Variants in LPIN1 observed in about 807,000 individuals in gnomAD.
The protein encoded by LPIN1 is lipin 1.
LPIN1 carries 71 observed loss-of-function variants against 107.5 expected under a neutral mutation model. That is an observed-to-expected ratio of 0.66 (90% CI 0.55 to 0.80). The LOEUF is 0.80. Among genes scored for constraint, LPIN1 ranks in the 30% least tolerant of loss-of-function variants. The pLI is 0.00. For synonymous variants in LPIN1, 445 were observed against 452.6 expected, an observed-to-expected ratio of 0.98 and a Z score of 0.21; for missense variants, 1,043 against 1,160.6, an observed-to-expected ratio of 0.90 and a Z score of 1.47.
At chr2:11,746,007 G>A (rs1666862005), upstream of LPIN1, 1 of 152,304 alleles carries the variant, frequency 6.6e-6, no homozygotes, top group Admixed American at 6.5e-5. Context: ...CCCGGCTGGA[G>A]AGGCGCAGGG....
Position 11,767,622 on chromosome 2 carries a change from G to A in LPIN1, c.193-141G>A, listed in dbSNP as rs1018003895. 39 of 704,418 alleles carry A rather than the reference G, an allele frequency of 5.5e-5. No individual in the cohort carries two copies. In the African/African-American group the frequency reaches 6.3e-4, roughly 11 times the overall value. The allele number at this position is 704,418 out of a possible 1,614,324, so 43.6% of individuals were successfully genotyped here. On this transcript the variant is annotated intron_variant, in intron 2 of 20. Transcript: ENST00000674199. ...AAGTGACAGTTCCCTTGGATGGGACGGCCTGACTGAGACTGGGAGTTGTGT... is the reference window on the plus strand; with the variant it reads ...AAGTGACAGTTCCCTTGGATGGGACAGCCTGACTGAGACTGGGAGTTGTGT...
chr2:11,820,625 GTAATTCTTA>G (rs1681347043), intron 20 of LPIN1, 111 bp downstream of exon 20: 1 of 728,458 alleles, frequency 1.4e-6, no homozygotes, highest in Admixed American at 2.3e-5. Context: ...ATGTTAATCT[GTAATTCTTA>G]TAATGAAAAA....
rs1671850306 is a variant in LPIN1 at position 11,771,599 on chromosome 2, C to T, written c.516C>T (p.Asn172=). The change falls in exon 4 of 21, where the codon AAC becomes AAT. Residue 172 remains asparagine (N), a synonymous_variant. Coordinates refer to ENST00000674199, the MANE Select transcript of LPIN1 (RefSeq NM_001349206.2). This position sits in a 1 kb window ranked among gnomAD's most constrained non-coding sequence, Gnocchi z 4.8. ...SQLDSLKRDD[N]MNTSEDEDMF... ...TGGACAGCCTGAAGAGAGATGACAA[C>T]ATGAACACATCTGAGGATGAGGACA... 1 of 1,611,844 alleles carries T rather than the reference C, an allele frequency of 6.2e-7. No individual in the cohort carries two copies. The highest frequency in any genetic ancestry group is 8.5e-7 in the Non-Finnish European group (1 of 1,179,048).
chr2:11,790,824 A>G (rs1228854493), intron 12 of LPIN1, among the ~76,000 whole-genome samples: 1 of 152,174 alleles, frequency 6.6e-6, no homozygotes, highest in East Asian at 1.9e-4. Flanking sequence ...ATTTTGGTAT[A>G]TTTTAATACC....
At chr2:11,808,654 A>T (rs1191909208) in intron 17 of LPIN1, among the ~76,000 whole-genome samples, 1 of 152,116 alleles carries the variant, frequency 6.6e-6, no homozygotes, top group Non-Finnish European at 1.5e-5. Context: ...CAGGTGGATC[A>T]CTTGAGGTCA....
intron 11 of LPIN1, 141 bp downstream of exon 11, chr2:11,787,308 T>G: frequency 3.0e-6 from 2 of 674,426 alleles, no homozygotes; most frequent in South Asian, 3.3e-5. Flanking sequence ...ATCTTCACTG[T>G]GGTCAGGGTT....
In LPIN1 at chr2:11,696,161, C is replaced by T. The variant is rs533760477; in HGVS notation, c.82-17595C>T. Among the ~76,000 whole-genome samples the T allele has an allele frequency of 9.6e-4, 146 of 151,468 alleles. 1 individual carries two copies. The highest frequency in any genetic ancestry group is 1.4e-3 in the Admixed American group (22 of 15,194). On this transcript the variant is annotated intron_variant, in intron 1 of 21. Transcript: ENST00000449576. ...TGGGGGTTTGCTGCACCTAATGACC[C>T]GTCCTCCAAGTTCCCTCCCCTTACC...
Position 11,773,146 on chromosome 2 carries a change from C to T in LPIN1, c.597-474C>T, listed in dbSNP as rs183962666. Among the ~76,000 whole-genome samples, 167 of 152,320 alleles carry T rather than the reference C, an allele frequency of 1.1e-3. 1 individual carries two copies. Among genetic ancestry groups the T allele is most frequent in the African/African-American group, 3.8e-3 (160 of 41,574 alleles). On this transcript the variant is annotated intron_variant, in intron 4 of 20. Transcript: ENST00000674199. Reference sequence around the variant, plus strand: ...AGGTCATTTGCAGTTATTCTGTAATCGTAAGGCATGTTTGGTTGATGCCAT... The same window carrying T: ...AGGTCATTTGCAGTTATTCTGTAATTGTAAGGCATGTTTGGTTGATGCCAT...
chr2:11,811,414 T>C (rs1222573626), intron 17 of LPIN1, among the ~76,000 whole-genome samples: 1 of 152,230 alleles, frequency 6.6e-6, no homozygotes, highest in East Asian at 1.9e-4. Context: ...GAGGGAAGGC[T>C]CTTCCACCAG....
rs367756643 is a variant in LPIN1, at chr2:11,760,633, G to C, written c.-9-4900G>C. On this transcript the variant is annotated intron_variant, in intron 1 of 20. Coordinates refer to ENST00000674199, the MANE Select transcript of LPIN1 (RefSeq NM_001349206.2). ...TGCAGTGAGCCGAGATGGCGGCAGT[G>C]CAGTCCAGCTTCGGCTCGGCATCAG... 8.3e-4 allele frequency among the ~76,000 whole-genome samples: 126 copies of C among 152,224 alleles called. 1 individual carries two copies. The highest frequency in any genetic ancestry group is 2.7e-3 in the African/African-American group (113 of 41,532).
rs540831854 is a variant in LPIN1 at position 11,765,489 on chromosome 2, A to G, written c.-9-44A>G. The G allele has an allele frequency of 2.4e-5, 38 of 1,561,710 alleles. No homozygotes were observed. The Admixed American group carries it at 6.8e-4, about 28-fold the overall frequency. On this transcript the variant is annotated intron_variant, in intron 1 of 20. Coordinates refer to ENST00000674199, the MANE Select transcript of LPIN1 (RefSeq NM_001349206.2). The surrounding 1 kb of genome is among the most constrained non-coding windows in gnomAD (Gnocchi z 4.4). The stretch of plus-strand genomic sequence containing the variant: ...TTCATTTTGATTGGCTCTTCCTTGG[A>G]TTAATTGTGTGTCTGTGTGTGTTTT...
intron 1 of LPIN1, among the ~76,000 whole-genome samples, chr2:11,689,670 G>A (rs886969541): frequency 3.3e-5 from 5 of 152,204 alleles, no homozygotes; most frequent in African/African-American, 9.7e-5. Flanking sequence ...ACTTTGGGCC[G>A]AGGCAGGCAG....
chr2:11,813,540 T>A (rs1037248355), intron 17 of LPIN1, among the ~76,000 whole-genome samples: 5 of 152,144 alleles, frequency 3.3e-5, no homozygotes, highest in African/African-American at 7.2e-5. Context: ...TTCTTTTTTT[T>A]ATAATAGACT....
intron 20 of LPIN1, chr2:11,822,984 G>C (rs1206485103): frequency 6.6e-6 from 1 of 152,228 alleles, no homozygotes; most frequent in Non-Finnish European, 1.5e-5. Flanking sequence ...AGGCGGGGTT[G>C]TTCCTGTGAG....
chr2:11,814,295 C>G (rs1680189658), intron 17 of LPIN1, among the ~76,000 whole-genome samples: 1 of 152,034 alleles, frequency 6.6e-6, no homozygotes, highest in Non-Finnish European at 1.5e-5. Context: ...GAGTTGATAC[C>G]TGGGTTTGGC....
At chr2:11,724,757 T>A in intron 1 of LPIN1, 1 of 444,880 alleles carries the variant, frequency 2.2e-6, no homozygotes, top group Non-Finnish European at 3.0e-6. Context: ...AAGGGGGCAG[T>A]GACTGGAATT....
intron 1 of LPIN1, among the ~76,000 whole-genome samples, chr2:11,687,991 G>A (rs1334555376): frequency 2.0e-5 from 3 of 152,228 alleles, no homozygotes; most frequent in African/African-American, 2.4e-5. Context: ...ACATTGAAGG[G>A]GAAAGGGCAC....
intron 18 of LPIN1, chr2:11,816,813 A>C (rs1446738066): frequency 1.3e-5 from 2 of 150,328 alleles, no homozygotes; most frequent in African/African-American, 4.9e-5. Context: ...TTTTTTACAT[A>C]GGTATACATG....
chr2:11,756,587 G>C (rs1484204610), intron 1 of LPIN1, among the ~76,000 whole-genome samples: 1 of 152,076 alleles, frequency 6.6e-6, no homozygotes, highest in African/African-American at 2.4e-5. Context: ...ATTTTGTAGA[G>C]AGCCTGACCA....
Sources: gnomAD v4.1 joint callset for allele counts (sites outside exome capture counted in the v4.1 genomes callset) on GRCh38, gnomAD v4.1.1 for gene constraint, Gnocchi (gnomAD v3.1) non-coding constraint, MANE v1.5 for transcripts, NCBI Gene and HGNC (gene_info 2026-07-23, HGNC 2026-07-21) for gene names.